PRRX1: variants seen among roughly 807,000 people sequenced by gnomAD.
PRRX1 encodes paired mesoderm homeobox protein 1.
Under a neutral mutation model 24.0 loss-of-function variants are expected in PRRX1, and 8 were observed. The observed-to-expected ratio is 0.33, with a 90% CI of 0.20 to 0.60. The LOEUF is 0.60. Among genes scored for constraint, PRRX1 ranks in the 20% least tolerant of loss-of-function variants. The pLI, the probability that PRRX1 is intolerant of heterozygous loss-of-function variation, is 0.82. For missense variants in PRRX1, 281 were observed against 322.4 expected (o/e 0.87, Z 0.98); for synonymous variants, 160 against 131.7 (o/e 1.22, Z -1.47).
At chr1:170,723,014 G>A (rs1006677189) in intron 2 of PRRX1, among the ~76,000 whole-genome samples, 5 of 152,190 alleles carry the variant, frequency 3.3e-5, no homozygotes, top group Admixed American at 2.6e-4. Flanking sequence ...GATGGACAAA[G>A]AGCTAATTCC....
intron 2 of PRRX1, among the ~76,000 whole-genome samples, chr1:170,721,899 C>T (rs1328174060): frequency 6.6e-6 from 1 of 151,574 alleles, no homozygotes; most frequent in Non-Finnish European, 1.5e-5. Flanking sequence ...TAACCCACAG[C>T]ACACTAATGT....
intron 1 of PRRX1, among the ~76,000 whole-genome samples, chr1:170,692,567 A>C (rs925970988): frequency 6.6e-6 from 1 of 151,456 alleles, no homozygotes; most frequent in African/African-American, 2.4e-5. Flanking sequence ...CTATTTTTTA[A>C]GAACCAGGTC....
Position 170,737,859 on chromosome 1 carries a change from T to C in PRRX1, c.*1673T>C, listed in dbSNP as rs1187419921. 3 of 214,968 alleles carry C rather than the reference T, an allele frequency of 1.4e-5. No individual in the cohort carries two copies. The highest frequency in any genetic ancestry group is 2.8e-5 in the Non-Finnish European group (3 of 106,234). The allele number at this position is 214,968 out of a possible 1,614,324, so 13.3% of individuals were successfully genotyped here. On this transcript the variant is annotated 3_prime_UTR_variant, in exon 4 of 4. Transcript: ENST00000239461. ...TCTATTCATTTGCTCCTTTATTCTT[T>C]CCTGTATTCTCTGTATGTCCAGCAC...
intron 3 of PRRX1, among the ~76,000 whole-genome samples, chr1:170,732,931 C>T (rs907322310): frequency 3.3e-5 from 5 of 152,088 alleles, no homozygotes; most frequent in African/African-American, 1.2e-4. Context: ...TATACAATGC[C>T]ACCATATAAT....
rs368886047 is a variant in PRRX1, at chr1:170,666,330, A to G, written c.241+1871A>G. 1.8e-4 allele frequency among the ~76,000 whole-genome samples: 26 copies of G among 148,490 alleles called. No homozygotes were observed. In the East Asian group the frequency reaches 4.5e-3, roughly 25 times the overall value. ...TTACTCAGCAGGCTGAGGCAGGAGA[A>G]TCGCTTAAACCCGGGAAGCAGAGGT... On this transcript the variant is annotated intron_variant, in intron 1 of 3. Coordinates refer to ENST00000239461, the MANE Select transcript of PRRX1 (RefSeq NM_022716.4).
At chr1:170,672,662 T>C (rs502612) in intron 1 of PRRX1, among the ~76,000 whole-genome samples, 91,199 of 152,104 alleles carry the variant, frequency 0.6, 28,764 homozygotes, top group Middle Eastern at 0.82. Context: ...AGGAGCCCAA[T>C]TCAATCAAAA....
chr1:170,695,938 T>C (rs1355804952), intron 1 of PRRX1, among the ~76,000 whole-genome samples: 1 of 152,200 alleles, frequency 6.6e-6, no homozygotes, highest in Non-Finnish European at 1.5e-5. Flanking sequence ...TCTAGGATCA[T>C]CCAGATGTCC....
chr1:170,736,089 C>T lies in PRRX1; in HGVS notation c.641C>T (p.Pro214Leu). Residue 214 changes from proline (P) to leucine (L), a missense_variant, in exon 4 of 4, where the codon CCT (proline) becomes CTT (leucine). By Grantham distance (98) the Pro-to-Leu change is moderately conservative (BLOSUM62 -3). Transcript: ENST00000239461. ...TYSATCANNS[P>L]AQGINMANSI... ...TCTGCCACATGTGCCAACAATAGCCCTGCACAGGGCATCAACATGGCCAAC... is the reference window on the plus strand; with the variant it reads ...TCTGCCACATGTGCCAACAATAGCCTTGCACAGGGCATCAACATGGCCAAC... 6.2e-7 allele frequency: 1 copy of T among 1,614,148 alleles called. No homozygotes were observed. The highest frequency in any genetic ancestry group is 8.5e-7 in the Non-Finnish European group (1 of 1,179,984).
rs1655602861 is a variant in PRRX1, at chr1:170,736,327, T to C, written c.*141T>C. On this transcript the variant is annotated 3_prime_UTR_variant, in exon 4 of 4. Coordinates refer to ENST00000239461, the MANE Select transcript of PRRX1 (RefSeq NM_022716.4). Reference sequence around the variant, plus strand: ...AAGCAGAACTAAAATATTGGGACCATGGCAGAGAAAAGCAGGAGAGGAGCA... The same window carrying C: ...AAGCAGAACTAAAATATTGGGACCACGGCAGAGAAAAGCAGGAGAGGAGCA... 4.4e-6 allele frequency: 5 copies of C among 1,144,570 alleles called. No individual in the cohort carries two copies. Among genetic ancestry groups the C allele is most frequent in the Admixed American group, 4.7e-5 (2 of 42,792 alleles). The allele number at this position is 1,144,570 out of a possible 1,614,324, so 70.9% of individuals were successfully genotyped here.
At position 170,719,100 on chromosome 1, in the gene PRRX1, A is replaced by G. The variant is rs186773899; in HGVS notation, c.242-626A>G. 1.0e-3 allele frequency among the ~76,000 whole-genome samples: 154 copies of G among 152,294 alleles called. 1 individual carries two copies. Among genetic ancestry groups the G allele is most frequent in the Non-Finnish European group, 1.8e-3 (120 of 68,026 alleles). ...CTTGGGTTGATGGCATTGTAGCACT[A>G]GTCCTGATCTAGGCTGAGGCCTCTG... On this transcript the variant is annotated intron_variant, in intron 1 of 3. Transcript: ENST00000239461.
chr1:170,704,795 A>G (rs1654504121), intron 1 of PRRX1, among the ~76,000 whole-genome samples: 1 of 152,202 alleles, frequency 6.6e-6, no homozygotes, highest in Non-Finnish European at 1.5e-5. Context: ...TTAGTCTTTC[A>G]CACTCAGTCT....
At chr1:170,681,160 ATGT>A (rs1384533581) in intron 1 of PRRX1, among the ~76,000 whole-genome samples, 1 of 152,200 alleles carries the variant, frequency 6.6e-6, no homozygotes, top group African/African-American at 2.4e-5. Context: ...TATACTAATT[ATGT>A]TGTTTAAATT....
intron 1 of PRRX1, among the ~76,000 whole-genome samples, chr1:170,675,496 A>G (rs1034117157): frequency 6.6e-6 from 1 of 152,118 alleles, no homozygotes; most frequent in African/African-American, 2.4e-5. Flanking sequence ...TTTTTGAAAG[A>G]AAGAAGGAGG....
intron 1 of PRRX1, among the ~76,000 whole-genome samples, chr1:170,675,945 A>G (rs1415252933): frequency 6.6e-6 from 1 of 152,178 alleles, no homozygotes; most frequent in African/African-American, 2.4e-5. Context: ...ACACTTGCCT[A>G]ATAAAAGTTT....
At chr1:170,725,872 A>T (rs559470595) in intron 2 of PRRX1, among the ~76,000 whole-genome samples, 1 of 152,360 alleles carries the variant, frequency 6.6e-6, no homozygotes, top group African/African-American at 2.4e-5. Flanking sequence ...TTTCTGTGGC[A>T]GAAGCCTAAT....
At chr1:170,696,997 T>C (rs1464088064) in intron 1 of PRRX1, among the ~76,000 whole-genome samples, 1 of 152,180 alleles carries the variant, frequency 6.6e-6, no homozygotes, top group African/African-American at 2.4e-5. Context: ...CTACAAGCGA[T>C]AGCCCTGTGA....
At chr1:170,691,070 T>C (rs1156466054) in intron 1 of PRRX1, among the ~76,000 whole-genome samples, 1 of 152,130 alleles carries the variant, frequency 6.6e-6, no homozygotes, top group Non-Finnish European at 1.5e-5. Context: ...TAATTTGTGT[T>C]TTTGAAAGCT....
chr1:170,705,780 G>C (rs1191386211), intron 1 of PRRX1, among the ~76,000 whole-genome samples: 5 of 152,018 alleles, frequency 3.3e-5, no homozygotes, highest in African/African-American at 1.2e-4. Context: ...ACTCAAACAA[G>C]TAAAACTTTT....
intron 1 of PRRX1, among the ~76,000 whole-genome samples, chr1:170,685,486 T>A (rs1350412720): frequency 1.3e-5 from 2 of 152,208 alleles, no homozygotes; most frequent in African/African-American, 4.8e-5. Flanking sequence ...GAAAGTGCTG[T>A]CATCCAAACT....
Sources: allele counts gnomAD v4.1 joint callset (sites outside exome capture counted in the v4.1 genomes callset), GRCh38; gene constraint gnomAD v4.1.1; transcripts MANE v1.5; gene names NCBI Gene and HGNC (gene_info 2026-07-23, HGNC 2026-07-21).